The following PPP1R13B variants were observed in gnomAD, a reference collection of about 807,000 sequenced individuals.
The protein encoded by PPP1R13B is apoptosis-stimulating of p53 protein 1.
In PPP1R13B, 44 loss-of-function variants were observed where a neutral mutation model predicts 119.8. The ratio of observed to expected loss-of-function variants is 0.37; its 90% CI spans 0.29 to 0.47. PPP1R13B has a LOEUF of 0.47. PPP1R13B is among the 20% of genes least tolerant of loss of function. The probability of loss-of-function intolerance (pLI) is 0.99; values close to 1 mark genes in which losing one functional copy is unlikely to be tolerated. For synonymous variants in PPP1R13B, 542 were observed against 561.5 expected, an observed-to-expected ratio of 0.97 and a Z score of 0.49; for missense variants, 1,227 against 1,413.5, an observed-to-expected ratio of 0.87 and a Z score of 2.12.
chr14:103,742,635 G>C lies in PPP1R13B; in HGVS notation c.1320+19C>G. Reference sequence around the variant, plus strand: ...GTTGAAGAGCCCGCTTGTGTTCTGTGGTAAAGACACAGGCCTACCGGCTTC... The same window carrying C: ...GTTGAAGAGCCCGCTTGTGTTCTGTCGTAAAGACACAGGCCTACCGGCTTC... On this transcript the variant is annotated intron_variant, in intron 10 of 16. Coordinates refer to ENST00000202556, the MANE Select transcript of PPP1R13B (RefSeq NM_015316.3). This position sits in a 1 kb window ranked among gnomAD's most constrained non-coding sequence, Gnocchi z 4.9. 7.4e-6 allele frequency: 12 copies of C among 1,611,708 alleles called. No individual in the cohort carries two copies. The highest frequency in any genetic ancestry group is 1.1e-5 in the South Asian group (1 of 90,848).
At chr14:103,782,697 T>A (rs953862518) in intron 3 of PPP1R13B, among the ~76,000 whole-genome samples, 1 of 152,226 alleles carries the variant, frequency 6.6e-6, no homozygotes, top group Admixed American at 6.5e-5. Flanking sequence ...GATAGTTTTC[T>A]CTGCATGTCT....
At chr14:103,810,121 G>C (rs1315192447) in intron 1 of PPP1R13B, among the ~76,000 whole-genome samples, 4 of 150,536 alleles carry the variant, frequency 2.7e-5, no homozygotes, top group Admixed American at 2.6e-4. Flanking sequence ...ACCGCGCCCA[G>C]CTGTCTCAAA....
chr14:103,775,263 CTTATTA>C (rs775624855), intron 4 of PPP1R13B, among the ~76,000 whole-genome samples: 5 of 148,880 alleles, frequency 3.4e-5, no homozygotes, highest in South Asian at 2.1e-4. Flanking sequence ...CTTTCTTTCA[CTTATTA>C]TTATTATTAT....
rs569249641 is a variant in PPP1R13B at position 103,740,995 on chromosome 14, G to A, written c.1823-402C>T. On this transcript the variant is annotated intron_variant, in intron 11 of 16. Transcript: ENST00000202556. The surrounding 1 kb of genome is among the most constrained non-coding windows in gnomAD (Gnocchi z 4.6). ...AGACACACGCGCCTCCTCAGAGCAGGAAGGTTTTACCTGGAGGTCCAGGAG... is the reference window on the plus strand; with the variant it reads ...AGACACACGCGCCTCCTCAGAGCAGAAAGGTTTTACCTGGAGGTCCAGGAG... Among the ~76,000 whole-genome samples, 91 of 152,356 alleles carry A rather than the reference G, an allele frequency of 6.0e-4. No homozygotes were observed. Among genetic ancestry groups the A allele is most frequent in the African/African-American group, 2.2e-3 (90 of 41,582 alleles).
At chr14:103,741,740 A>C (rs753034688) in intron 11 of PPP1R13B, 50 bp downstream of exon 11, 1 of 1,544,032 alleles carries the variant, frequency 6.5e-7, no homozygotes, top group Admixed American at 2.0e-5. Flanking sequence ...TTCTTAATTA[A>C]AAGTATAATT....
intron 1 of PPP1R13B, among the ~76,000 whole-genome samples, chr14:103,816,039 G>A (rs954447431): frequency 5.3e-5 from 8 of 151,962 alleles, no homozygotes; most frequent in Admixed American, 3.9e-4. Context: ...AGCTGAGATC[G>A]CGCCACTGCA....
chr14:103,799,462 G>A (rs2152044032), intron 1 of PPP1R13B, among the ~76,000 whole-genome samples: 1 of 152,206 alleles, frequency 6.6e-6, no homozygotes, highest in South Asian at 2.1e-4. Context: ...ACAGGCGTCA[G>A]CCATTGCGCC....
chr14:103,770,914 C>T (rs1056325733), intron 4 of PPP1R13B, among the ~76,000 whole-genome samples: 4 of 152,182 alleles, frequency 2.6e-5, no homozygotes, highest in African/African-American at 9.7e-5. Context: ...TTTTTGCCCA[C>T]CTGCATACTT....
intron 6 of PPP1R13B, among the ~76,000 whole-genome samples, chr14:103,753,480 T>C (rs188340893): frequency 2.0e-5 from 3 of 152,198 alleles, no homozygotes; most frequent in Admixed American, 2.0e-4. Context: ...ACCAAAGGTT[T>C]TGTGAAGGCA....
intron 8 of PPP1R13B, 126 bp downstream of exon 8, chr14:103,749,651 TTCTGTCATTTTTGATGG>T: frequency 1.2e-6 from 1 of 851,388 alleles, no homozygotes; most frequent in Non-Finnish European, 1.8e-6. Context: ...AGGAACTCTG[TTCTGTCATTTTTGATGG>T]TTTATGGCCT....
chr14:103,791,023 G>A (rs555491739), intron 2 of PPP1R13B, among the ~76,000 whole-genome samples: 1 of 152,136 alleles, frequency 6.6e-6, no homozygotes, highest in Admixed American at 6.6e-5. Flanking sequence ...ATAAGTGATT[G>A]TAATTTACTG....
chr14:103,771,130 G>A (rs929973448), intron 4 of PPP1R13B, among the ~76,000 whole-genome samples: 1 of 152,116 alleles, frequency 6.6e-6, no homozygotes, highest in Non-Finnish European at 1.5e-5. Flanking sequence ...AAGGAGAGAC[G>A]GCCCCCTAAC....
chr14:103,801,707 T>C (rs1001803338), intron 1 of PPP1R13B, among the ~76,000 whole-genome samples: 3 of 152,088 alleles, frequency 2.0e-5, no homozygotes, highest in Middle Eastern at 3.2e-3. Flanking sequence ...TAATTTCCCA[T>C]TGCTGAGTCA....
Position 103,740,112 on chromosome 14 carries a change from G to A in PPP1R13B, c.2304C>T (p.Asn768=). ...GCTGGGCAGGGGGGAGCTCTTCCAG[G>A]TTTCCATTGGCATTGGTGTTTCCAT... The part of the protein sequence containing the change: ...VDNGNTNANG[N]LEELPPAQPT... Residue 768 remains asparagine (N), a synonymous_variant, in exon 12 of 17, where the codon AAC becomes AAT. Coordinates refer to ENST00000202556, the MANE Select transcript of PPP1R13B (RefSeq NM_015316.3). The surrounding 1 kb of genome is among the most constrained non-coding windows in gnomAD (Gnocchi z 4.6). 2 of 1,613,738 alleles carry A rather than the reference G, an allele frequency of 1.2e-6. No homozygotes were observed. The highest frequency in any genetic ancestry group is 1.7e-5 in the Admixed American group (1 of 60,032).
At chr14:103,819,239 T>C (rs187719410) in intron 1 of PPP1R13B, among the ~76,000 whole-genome samples, 1 of 152,162 alleles carries the variant, frequency 6.6e-6, no homozygotes, top group African/African-American at 2.4e-5. Context: ...TAGCAGCCCT[T>C]GGAGGGTTTT....
At chr14:103,782,478 T>C (rs778904778) in intron 3 of PPP1R13B, among the ~76,000 whole-genome samples, 13 of 152,228 alleles carry the variant, frequency 8.5e-5, no homozygotes, top group Non-Finnish European at 1.8e-4. Context: ...GGCACAGCTT[T>C]AGGATAAATT....
At chr14:103,770,846 A>G (rs1388642166) in intron 4 of PPP1R13B, among the ~76,000 whole-genome samples, 1 of 152,294 alleles carries the variant, frequency 6.6e-6, no homozygotes, top group Middle Eastern at 3.4e-3. Context: ...AAATAAAGAG[A>G]AACCAGAAAC....
At position 103,735,950 on chromosome 14, in the gene PPP1R13B, G is replaced by A. The variant is rs1321216999; in HGVS notation, c.3231+53C>T. ...GCCCCACAGCAGGATAGGACCGCAT[G>A]CTGTACAGAGACACGGGCAGCTAGT... On this transcript the variant is annotated intron_variant, in intron 16 of 16. Coordinates refer to ENST00000202556, the MANE Select transcript of PPP1R13B (RefSeq NM_015316.3). 5.7e-6 allele frequency: 9 copies of A among 1,591,130 alleles called. No individual in the cohort carries two copies. The South Asian group carries it at 7.8e-5, about 14-fold the overall frequency.
rs943647432 is a variant in PPP1R13B at position 103,811,916 on chromosome 14, C to T, written c.10-14398G>A. On this transcript the variant is annotated intron_variant, in intron 1 of 16. Transcript: ENST00000202556. ...CTAAAAATACAAAAACAGCATTAGCCGGGTGTGGTGGTGGGCGCCTATAGT... is the reference window on the plus strand; with the variant it reads ...CTAAAAATACAAAAACAGCATTAGCTGGGTGTGGTGGTGGGCGCCTATAGT... Among the ~76,000 whole-genome samples the T allele has an allele frequency of 1.1e-4, 17 of 150,754 alleles. No individual in the cohort carries two copies. In the South Asian group the frequency reaches 2.1e-3, roughly 19 times the overall value.
Sources: allele counts gnomAD v4.1 joint callset (sites outside exome capture counted in the v4.1 genomes callset), GRCh38; gene constraint gnomAD v4.1.1; non-coding constraint Gnocchi (gnomAD v3.1); transcripts MANE v1.5; gene names NCBI Gene and HGNC (gene_info 2026-07-23, HGNC 2026-07-21).